UNC13B: variants seen among roughly 807,000 people sequenced by gnomAD.
The protein encoded by UNC13B is unc-13 homolog B.
A neutral mutation model predicts 211.0 loss-of-function variants in UNC13B; 144 were observed. The observed-to-expected ratio is 0.68, with a 90% CI of 0.60 to 0.78. The LOEUF is 0.78. UNC13B is among the 30% of genes least tolerant of loss of function. UNC13B has a pLI of 0.00. For missense variants in UNC13B, 1,777 were observed against 2,002.0 expected, an observed-to-expected ratio of 0.89 and a Z score of 2.14; for synonymous variants, 709 against 725.8, an observed-to-expected ratio of 0.98 and a Z score of 0.37.
intron 3 of UNC13B, among the ~76,000 whole-genome samples, chr9:35,235,006 T>C (rs1397364422): frequency 6.6e-6 from 1 of 152,200 alleles, no homozygotes; most frequent in Non-Finnish European, 1.5e-5. Flanking sequence ...CTTTCTTGGA[T>C]TACCCCTCAA....
At position 35,307,472 on chromosome 9, in the gene UNC13B, G is replaced by A. The variant is rs1483577559; in HGVS notation, c.8068G>A (p.Asp2690Asn). Reference sequence around the variant, plus strand: ...TATTCAAACTGCCTCCACAAACCAAGACTTACTGGAGCTGCATCCAGCCAG... The same window carrying A: ...TATTCAAACTGCCTCCACAAACCAAAACTTACTGGAGCTGCATCCAGCCAG... Reference protein sequence around the residue: ...PAIQTASTNQDLLELHPASSL... With the variant: ...PAIQTASTNQNLLELHPASSL... The change falls in exon 9 of 40, where the codon GAC (aspartate) becomes AAC (asparagine). Residue 2690 changes from aspartate (D) to asparagine (N), a missense_variant. Coordinates refer to ENST00000635942, the MANE Select transcript of UNC13B (RefSeq NM_001371189.2). 1 of 398,834 alleles carries A rather than the reference G, an allele frequency of 2.5e-6. No individual in the cohort carries two copies. Among genetic ancestry groups the A allele is most frequent in the Admixed American group, 4.4e-5 (1 of 22,700 alleles). The allele number at this position is 398,834 out of a possible 1,614,324, so 24.7% of individuals were successfully genotyped here. A position where few individuals can be genotyped will look rare whatever the true frequency, so the allele number is the denominator to read the frequency against.
At chr9:35,183,980 G>A (rs1276600335) in intron 1 of UNC13B, among the ~76,000 whole-genome samples, 4 of 143,806 alleles carry the variant, frequency 2.8e-5, no homozygotes, top group Admixed American at 7.0e-5. Context: ...GGGCAGAGGC[G>A]CTCCTCACCT....
At chr9:35,224,693 G>A (rs1824739193) in intron 1 of UNC13B, among the ~76,000 whole-genome samples, 1 of 152,000 alleles carries the variant, frequency 6.6e-6, no homozygotes, top group Non-Finnish European at 1.5e-5. Flanking sequence ...TGAAAGTGGG[G>A]CATTGTCTAC....
chr9:35,213,932 C>A (rs1301342755), intron 1 of UNC13B, among the ~76,000 whole-genome samples: 2 of 152,102 alleles, frequency 1.3e-5, no homozygotes, highest in Non-Finnish European at 2.9e-5. Flanking sequence ...TCTGTGGATA[C>A]AGCTACACTT....
chr9:35,239,108 T>G (rs373243697), intron 5 of UNC13B, among the ~76,000 whole-genome samples: 193 of 152,076 alleles, frequency 1.3e-3, no homozygotes, highest in African/African-American at 4.4e-3. Flanking sequence ...ATCTGGGGAG[T>G]GCCTGTTTCT....
At chr9:35,175,152 C>T (rs897292077) in intron 1 of UNC13B, among the ~76,000 whole-genome samples, 16 of 152,200 alleles carry the variant, frequency 1.1e-4, no homozygotes, top group Admixed American at 6.5e-4. Flanking sequence ...AGTTGGGTTC[C>T]GTTGAGTTTG....
intron 23 of UNC13B, 84 bp from the exon 24 acceptor site, chr9:35,386,081 A>G: frequency 1.3e-6 from 2 of 1,576,446 alleles, no homozygotes; most frequent in Non-Finnish European, 1.7e-6. Flanking sequence ...GAAAGAATCT[A>G]GAGTAGGTTT....
intron 1 of UNC13B, among the ~76,000 whole-genome samples, chr9:35,219,641 GAC>G (rs1330131648): frequency 7.0e-6 from 1 of 142,646 alleles, no homozygotes; most frequent in Non-Finnish European, 1.5e-5. Flanking sequence ...AAAAAGTAAA[GAC>G]ATTGTTTTCT....
At chr9:35,395,668 A>G (rs1480717729) in intron 26 of UNC13B, among the ~76,000 whole-genome samples, 1 of 152,212 alleles carries the variant, frequency 6.6e-6, no homozygotes, top group Non-Finnish European at 1.5e-5. Context: ...GGGTAGATGA[A>G]GAGAACCTAT....
Position 35,305,637 on chromosome 9 carries a change from A to G in UNC13B, c.6233A>G (p.Asp2078Gly), listed in dbSNP as rs1829888660. 2.5e-6 allele frequency: 1 copy of G among 398,908 alleles called. No individual in the cohort carries two copies. The highest frequency in any genetic ancestry group is 2.1e-5 in the African/African-American group (1 of 48,642). 24.7% of individuals were successfully genotyped at this position (398,908 alleles called of 1,614,324 possible). A position where few individuals can be genotyped will look rare whatever the true frequency, so the allele number is the denominator to read the frequency against. Residue 2078 changes from aspartate to glycine, a missense_variant, in exon 9 of 40, where the codon GAC (aspartate) becomes GGC (glycine). By Grantham distance (94) the Asp-to-Gly change is moderately conservative. Transcript: ENST00000635942. ...ACTGAAAAAGAGGTACCATTCAGAG[A>G]CCATCTAATCCAGCAGTCACCTAAT... ...DLTEKEVPFR[D>G]HLIQQSPNSS...
intron 17 of UNC13B, among the ~76,000 whole-genome samples, chr9:35,380,081 A>G (rs931476837): frequency 1.3e-5 from 2 of 152,108 alleles, no homozygotes; most frequent in Non-Finnish European, 2.9e-5. Context: ...ACCTTTACTG[A>G]CTTCATGTCC....
chr9:35,283,772 G>C (rs1263698301), intron 7 of UNC13B, among the ~76,000 whole-genome samples: 6 of 152,146 alleles, frequency 3.9e-5, no homozygotes, highest in South Asian at 2.1e-4. Flanking sequence ...CACATGAGAA[G>C]GTGACATTTC....
At chr9:35,175,402 G>A (rs990047304) in intron 1 of UNC13B, among the ~76,000 whole-genome samples, 2 of 152,206 alleles carry the variant, frequency 1.3e-5, no homozygotes, top group Non-Finnish European at 2.9e-5. Context: ...AGGAACTCCA[G>A]TGTATAGGAA....
chr9:35,169,628 CCTT>C (rs1248982705), intron 1 of UNC13B, among the ~76,000 whole-genome samples: 1 of 152,120 alleles, frequency 6.6e-6, no homozygotes, highest in Non-Finnish European at 1.5e-5. Context: ...TAGTCCCTGC[CCTT>C]AGAGCAGAGC....
In UNC13B at chr9:35,376,041, A is replaced by G. The variant is rs191978661; in HGVS notation, c.9629A>G (p.Tyr3210Cys). 1.2e-6 allele frequency: 2 copies of G among 1,614,204 alleles called. No homozygotes were observed. The highest frequency in any genetic ancestry group is 2.2e-5 in the East Asian group (1 of 44,874). ...LKDEELKSHV[Y>C]KKTLQALIYP... Reference sequence around the variant, plus strand: ...TGTGTCTTTCAGAAATCCCACGTGTATAAGAAAACCCTGCAGGCCTTAATC... The same window carrying G: ...TGTGTCTTTCAGAAATCCCACGTGTGTAAGAAAACCCTGCAGGCCTTAATC... Residue 3210 changes from tyrosine to cysteine, a missense_variant, in exon 15 of 40, where the codon TAT becomes TGT. Coordinates refer to ENST00000635942, the MANE Select transcript of UNC13B (RefSeq NM_001371189.2).
intron 11 of UNC13B, among the ~76,000 whole-genome samples, chr9:35,346,028 G>A (rs1022078048): frequency 7.2e-5 from 11 of 152,176 alleles, no homozygotes; most frequent in African/African-American, 2.7e-4. Flanking sequence ...ACCTTGCTAA[G>A]CCTTTGATCT....
intron 11 of UNC13B, among the ~76,000 whole-genome samples, chr9:35,322,365 A>G (rs1199905732): frequency 6.6e-6 from 1 of 152,114 alleles, no homozygotes; most frequent in Non-Finnish European, 1.5e-5. Context: ...TGGGTGTTCC[A>G]GGTGGAAGGG....
At chr9:35,298,718 C>T (rs1829520818) in intron 8 of UNC13B, among the ~76,000 whole-genome samples, 1 of 152,184 alleles carries the variant, frequency 6.6e-6, no homozygotes, top group Non-Finnish European at 1.5e-5. Flanking sequence ...ACACACTGAA[C>T]TCATAAGCTC....
At chr9:35,314,657 A>G (rs1343294326) in intron 11 of UNC13B, among the ~76,000 whole-genome samples, 2 of 151,932 alleles carry the variant, frequency 1.3e-5, no homozygotes, top group African/African-American at 2.4e-5. Context: ...AATAGTGTAC[A>G]TTATACCCAT....
Sources: gnomAD v4.1 joint callset for allele counts (sites outside exome capture counted in the v4.1 genomes callset) on GRCh38, gnomAD v4.1.1 for gene constraint, MANE v1.5 for transcripts, NCBI Gene and HGNC (gene_info 2026-07-23, HGNC 2026-07-21) for gene names.